Variants in SUFU observed in about 807,000 individuals in gnomAD.
SUFU encodes SUFU negative regulator of hedgehog signaling.
SUFU carries 7 observed loss-of-function variants against 58.9 expected under a neutral mutation model. The observed-to-expected ratio is 0.12, with a 90% CI of 0.07 to 0.22. The LOEUF (loss-of-function observed/expected upper bound fraction) is 0.22. Ranked by LOEUF, SUFU falls within the 10% of genes least tolerant of loss-of-function variation. The probability of loss-of-function intolerance (pLI) is 1.00; values close to 1 mark genes in which losing one functional copy is unlikely to be tolerated. For synonymous variants in SUFU, 232 were observed against 254.8 expected (o/e 0.91, Z 0.85); for missense variants, 451 against 641.3 (o/e 0.70, Z 3.20).
At chr10:102,512,047 C>T (rs1399086904) in intron 2 of SUFU, among the ~76,000 whole-genome samples, 2 of 152,166 alleles carry the variant, frequency 1.3e-5, no homozygotes, top group South Asian at 2.1e-4. Flanking sequence ...GGCTATTCCA[C>T]CTCTCTGAAC....
chr10:102,537,690 A>G (rs1207621066), intron 2 of SUFU, among the ~76,000 whole-genome samples: 1 of 152,220 alleles, frequency 6.6e-6, no homozygotes, highest in Admixed American at 6.5e-5. Context: ...TTCACTTAGC[A>G]TAATGTCTTC....
chr10:102,527,809 T>C (rs1224841148), intron 2 of SUFU, among the ~76,000 whole-genome samples: 1 of 152,194 alleles, frequency 6.6e-6, no homozygotes, highest in African/African-American at 2.4e-5. Context: ...CTTGATCTTC[T>C]GGGATGGCTG....
At chr10:102,568,612 G>A (rs1444326839) in intron 3 of SUFU, among the ~76,000 whole-genome samples, 1 of 151,764 alleles carries the variant, frequency 6.6e-6, no homozygotes, top group Admixed American at 6.6e-5. Context: ...AGTGGCTCAC[G>A]CCTGTAATCC....
chr10:102,555,079 T>A (rs1031081977), intron 3 of SUFU, among the ~76,000 whole-genome samples: 1 of 151,968 alleles, frequency 6.6e-6, no homozygotes, highest in Non-Finnish European at 1.5e-5. Context: ...CCATCCTGGC[T>A]AACACAGTGA....
At chr10:102,588,392 C>CA (rs201096208) in intron 3 of SUFU, among the ~76,000 whole-genome samples, 19,699 of 91,324 alleles carry the variant, frequency 0.22, 1,914 homozygotes, top group East Asian at 0.47. Flanking sequence ...GACTCTGTCT[C>CA]AAAAAAAAAA....
intron 2 of SUFU, among the ~76,000 whole-genome samples, chr10:102,511,296 A>C (rs1422620682): frequency 6.6e-6 from 1 of 152,074 alleles, no homozygotes; most frequent in Non-Finnish European, 1.5e-5. Flanking sequence ...CCTCATTAGC[A>C]TGGTTAATCA....
At chr10:102,524,170 A>C (rs2062581565) in intron 2 of SUFU, among the ~76,000 whole-genome samples, 1 of 151,990 alleles carries the variant, frequency 6.6e-6, no homozygotes, top group African/African-American at 2.4e-5. Context: ...CTTCTTTTTA[A>C]AAAGTTATAT....
chr10:102,543,785 A>G (rs2062826806), intron 2 of SUFU, among the ~76,000 whole-genome samples: 2 of 152,210 alleles, frequency 1.3e-5, no homozygotes, highest in Admixed American at 1.3e-4. Flanking sequence ...TATAATGCTT[A>G]TAGTGTTCTG....
At chr10:102,526,879 G>C (rs2062614123) in intron 2 of SUFU, among the ~76,000 whole-genome samples, 2 of 152,102 alleles carry the variant, frequency 1.3e-5, no homozygotes, top group Non-Finnish European at 2.9e-5. Flanking sequence ...GGAAAAGAAA[G>C]AAGGCCAGTG....
chr10:102,567,752 G>A (rs189538542), intron 3 of SUFU, among the ~76,000 whole-genome samples: 5 of 152,222 alleles, frequency 3.3e-5, no homozygotes, highest in Admixed American at 3.3e-4. Flanking sequence ...AAACAGCAGT[G>A]GGGGTCCTTC....
intron 3 of SUFU, chr10:102,573,310 GA>G (rs1434205661): frequency 2.2e-5 from 12 of 545,698 alleles, no homozygotes; most frequent in Middle Eastern, 5.6e-4. Flanking sequence ...ATCAAAAAAA[GA>G]AAAAACAAAA....
Position 102,630,538 on chromosome 10 carries a change from A to C in SUFU, c.*383A>C. On this transcript the variant is annotated 3_prime_UTR_variant, in exon 12 of 12. Coordinates refer to ENST00000369902, the MANE Select transcript of SUFU (RefSeq NM_016169.4). ...GCACAGCCCAGCAGGAGGGAGGCGG[A>C]CAGCCAGATGCAGAGCGAGTGGATG... is the stretch of plus-strand genomic sequence containing the variant. 2.4e-6 allele frequency: 1 copy of C among 413,296 alleles called. No homozygotes were observed. Among genetic ancestry groups the C allele is most frequent in the Non-Finnish European group, 4.6e-6 (1 of 219,422 alleles). 25.6% of individuals were successfully genotyped at this position (413,296 alleles called of 1,614,324 possible).
intron 10 of SUFU, among the ~76,000 whole-genome samples, chr10:102,622,823 GA>G (rs59430798): frequency 0.32 from 39,708 of 124,394 alleles, 5,807 homozygotes; most frequent in Admixed American, 0.36. Flanking sequence ...CGTCTCAGAA[GA>G]AAAAAAAAAA....
chr10:102,568,923 CATATATATATATATAT>C (rs1166324733), intron 3 of SUFU, among the ~76,000 whole-genome samples: 1,305 of 37,886 alleles, frequency 0.034, 30 homozygotes, highest in African/African-American at 0.05. Context: ...TATATATACA[CATATATATATATATAT>C]ATATATATAT....
chr10:102,587,277 G>A (rs2063344122), intron 3 of SUFU, among the ~76,000 whole-genome samples: 1 of 152,078 alleles, frequency 6.6e-6, no homozygotes, highest in Admixed American at 6.6e-5. Context: ...TTGCAGAACC[G>A]CCGTACTGTT....
chr10:102,590,491 G>T (rs1174312858), intron 3 of SUFU, among the ~76,000 whole-genome samples: 1 of 151,866 alleles, frequency 6.6e-6, no homozygotes, highest in Non-Finnish European at 1.5e-5. Context: ...TATGTTGCTG[G>T]GTTCTGTTTG....
intron 2 of SUFU, among the ~76,000 whole-genome samples, chr10:102,549,549 A>G (rs1459112109): frequency 1.3e-5 from 2 of 152,226 alleles, no homozygotes; most frequent in Non-Finnish European, 2.9e-5. Flanking sequence ...CACAGAGCAT[A>G]TAGCCTTGTG....
intron 3 of SUFU, among the ~76,000 whole-genome samples, chr10:102,590,416 C>T (rs1229085128): frequency 1.3e-5 from 2 of 152,170 alleles, no homozygotes; most frequent in South Asian, 2.1e-4. Flanking sequence ...CCGCGTGCCT[C>T]GGCCTCCCAA....
intron 2 of SUFU, among the ~76,000 whole-genome samples, chr10:102,518,821 G>C (rs550044933): frequency 6.6e-6 from 1 of 151,450 alleles, no homozygotes; most frequent in African/African-American, 2.4e-5. Flanking sequence ...GTGAGTCACC[G>C]CACCCGGCCT....
Sources: allele counts gnomAD v4.1 joint callset (sites outside exome capture counted in the v4.1 genomes callset), GRCh38; gene constraint gnomAD v4.1.1; transcripts MANE v1.5; gene names NCBI Gene and HGNC (gene_info 2026-07-23, HGNC 2026-07-21).